Variants in POFUT3 observed in about 807,000 individuals in gnomAD.
POFUT3 encodes the protein GDP-fucose protein O-fucosyltransferase 3.
chr8:33,342,144 C>T, the POFUT3 span, among the ~76,000 whole-genome samples: 1 of 152,008 alleles, frequency 6.6e-6, no homozygotes, highest in Non-Finnish European at 1.5e-5. Context: ...CACACCACTG[C>T]AACTCCAGCC....
chr8:33,405,604 CT>C, the POFUT3 span, among the ~76,000 whole-genome samples: 3 of 152,116 alleles, frequency 2.0e-5, 1 homozygote, highest in Admixed American at 2.0e-4. Context: ...TGAAAGAGAT[CT>C]TTTAGTTGCA....
the POFUT3 span, among the ~76,000 whole-genome samples, chr8:33,415,087 C>T: frequency 6.6e-6 from 1 of 151,808 alleles, no homozygotes; most frequent in South Asian, 2.1e-4. Context: ...CATGGTGAAA[C>T]CCCGTCTCTA....
chr8:33,384,602 C>T, the POFUT3 span, among the ~76,000 whole-genome samples: 1 of 152,002 alleles, frequency 6.6e-6, no homozygotes, highest in Admixed American at 6.6e-5. Flanking sequence ...GGTGGACCAC[C>T]TGAGGTCAGG....
chr8:33,451,068 G>GTGTGTA, the POFUT3 span, among the ~76,000 whole-genome samples: 304 of 148,930 alleles, frequency 2.0e-3, 3 homozygotes, highest in Middle Eastern at 0.01. Flanking sequence ...GGAGGTGTAT[G>GTGTGTA]TGTGTGTGTG....
chr8:33,362,882 G>C, the POFUT3 span, among the ~76,000 whole-genome samples: 2 of 152,038 alleles, frequency 1.3e-5, no homozygotes, highest in Non-Finnish European at 2.9e-5. Flanking sequence ...GGTTAACAAG[G>C]ATATCCAGGA....
chr8:33,442,378 C>T, the POFUT3 span, among the ~76,000 whole-genome samples: 1 of 151,898 alleles, frequency 6.6e-6, no homozygotes, highest in Non-Finnish European at 1.5e-5. Flanking sequence ...AGCTCCAGCT[C>T]CCGGGTTCAC....
At chr8:33,412,212 G>A in the POFUT3 span, among the ~76,000 whole-genome samples, 1 of 152,172 alleles carries the variant, frequency 6.6e-6, no homozygotes, top group Non-Finnish European at 1.5e-5. Flanking sequence ...GATCAAGTTA[G>A]TTGTTTTAAT....
chr8:33,352,128 G>T, the POFUT3 span, among the ~76,000 whole-genome samples: 1 of 152,180 alleles, frequency 6.6e-6, no homozygotes, highest in Non-Finnish European at 1.5e-5. Context: ...AACCCCTCTT[G>T]TGTCCTGCTG....
chr8:33,325,052 T>C, the POFUT3 span, among the ~76,000 whole-genome samples: 5 of 152,232 alleles, frequency 3.3e-5, no homozygotes, highest in African/African-American at 1.2e-4. Flanking sequence ...AATACTTTAA[T>C]GGCTTTTTTA....
the POFUT3 span, among the ~76,000 whole-genome samples, chr8:33,339,998 C>T: frequency 9.9e-5 from 15 of 152,150 alleles, no homozygotes; most frequent in Non-Finnish European, 2.1e-4. Flanking sequence ...CTCAAGTTTT[C>T]TAATTTATGT....
At chr8:33,386,560 C>T in the POFUT3 span, among the ~76,000 whole-genome samples, 1 of 152,194 alleles carries the variant, frequency 6.6e-6, no homozygotes, top group Admixed American at 6.5e-5. Context: ...CCTGTAATCT[C>T]AGCACTTTGT....
the POFUT3 span, among the ~76,000 whole-genome samples, chr8:33,434,207 G>A: frequency 6.6e-6 from 1 of 152,122 alleles, no homozygotes; most frequent in Non-Finnish European, 1.5e-5. Context: ...GTTGCAATGA[G>A]CCAAGATCAC....
the POFUT3 span, among the ~76,000 whole-genome samples, chr8:33,316,858 C>T: frequency 1.3e-5 from 2 of 152,192 alleles, no homozygotes; most frequent in South Asian, 4.2e-4. Flanking sequence ...TATTTCTCAC[C>T]ACTTCCTTCC....
chr8:33,434,229 C>T, the POFUT3 span, among the ~76,000 whole-genome samples: 1 of 152,180 alleles, frequency 6.6e-6, no homozygotes, highest in Non-Finnish European at 1.5e-5. Flanking sequence ...CCACTGCACT[C>T]CAGCCTGGGC....
the POFUT3 span, among the ~76,000 whole-genome samples, chr8:33,401,854 G>A: frequency 2.0e-5 from 3 of 151,988 alleles, no homozygotes; most frequent in East Asian, 3.9e-4. Flanking sequence ...ATGGCGAAAC[G>A]CTGTCTCTAC....
the POFUT3 span, among the ~76,000 whole-genome samples, chr8:33,328,381 CAAAAAACA>C: frequency 8.0e-5 from 11 of 137,516 alleles, no homozygotes; most frequent in African/African-American, 2.7e-4. Flanking sequence ...AAAACAAAAA[CAAAAAACA>C]AAAAAAAAAA....
At chr8:33,320,123 G>A in the POFUT3 span, among the ~76,000 whole-genome samples, 2 of 151,854 alleles carry the variant, frequency 1.3e-5, no homozygotes, top group African/African-American at 4.8e-5. Flanking sequence ...ATTTATATGA[G>A]ATCTTATAAA....
At chr8:33,426,715 C>T in the POFUT3 span, among the ~76,000 whole-genome samples, 2 of 152,234 alleles carry the variant, frequency 1.3e-5, no homozygotes, top group African/African-American at 4.8e-5. Context: ...CCTCCCTCCC[C>T]AGCTCTCCTC....
At chr8:33,418,071 G>A in the POFUT3 span, among the ~76,000 whole-genome samples, 762 of 152,180 alleles carry the variant, frequency 5.0e-3, 46 homozygotes, top group East Asian at 0.13. Context: ...AAACCTAAGC[G>A]GCTACAGCAA....
Sources: gnomAD v4.1 joint callset for allele counts (sites outside exome capture counted in the v4.1 genomes callset) on GRCh38, gnomAD v4.1.1 for gene constraint, MANE v1.5 for transcripts, NCBI Gene and HGNC (gene_info 2026-07-23, HGNC 2026-07-21) for gene names.